PIK3C2G: variants seen among roughly 807,000 people sequenced by gnomAD.
The protein encoded by PIK3C2G is phosphatidylinositol 3-kinase C2 domain-containing subunit gamma.
In PIK3C2G, 168 loss-of-function variants were observed where a neutral mutation model predicts 181.1. The ratio of observed to expected loss-of-function variants is 0.93; its 90% confidence interval spans 0.82 to 1.05. The LOEUF (loss-of-function observed/expected upper bound fraction) is 1.05. Ranked by LOEUF, PIK3C2G falls within the 50% of genes least tolerant of loss-of-function variation. The pLI, the probability that PIK3C2G is intolerant of heterozygous loss-of-function variation, is 0.00. For missense variants in PIK3C2G, 1,869 were observed against 1,732.8 expected, an observed-to-expected ratio of 1.08 and a Z score of -1.40; for synonymous variants, 573 against 592.2, an observed-to-expected ratio of 0.97 and a Z score of 0.47.
intron 1 of PIK3C2G, among the ~76,000 whole-genome samples, chr12:18,274,106 C>A (rs1362933952): frequency 6.6e-6 from 1 of 152,114 alleles, no homozygotes; most frequent in Non-Finnish European, 1.5e-5. Context: ...CAATGAGATA[C>A]CACCTCACAC....
At chr12:18,652,313 C>A (rs952458171), downstream of PIK3C2G, among the ~76,000 whole-genome samples, 1 of 152,078 alleles carries the variant, frequency 6.6e-6, no homozygotes, top group Non-Finnish European at 1.5e-5. Flanking sequence ...GGTCACAGAT[C>A]TGCACAGAAG....
chr12:18,599,643 TATA>T (rs1215900550), intron 30 of PIK3C2G, among the ~76,000 whole-genome samples: 2 of 148,626 alleles, frequency 1.3e-5, no homozygotes, highest in South Asian at 2.1e-4. Context: ...AAACTTAAAG[TATA>T]ATAATAAATG....
At chr12:18,454,182 A>G (rs1947510191) in intron 18 of PIK3C2G, among the ~76,000 whole-genome samples, 1 of 152,182 alleles carries the variant, frequency 6.6e-6, no homozygotes, top group Non-Finnish European at 1.5e-5. Flanking sequence ...AGTAAACAAA[A>G]TAAAAATCTC....
chr12:18,384,542 G>A (rs12424877), intron 14 of PIK3C2G, among the ~76,000 whole-genome samples: 12,045 of 152,246 alleles, frequency 0.079, 918 homozygotes, highest in Admixed American at 0.24. Context: ...GAGTTTTGTG[G>A]ATATAAATTC....
intron 16 of PIK3C2G, among the ~76,000 whole-genome samples, chr12:18,400,551 C>A (rs1944190518): frequency 6.6e-6 from 1 of 152,114 alleles, no homozygotes; most frequent in Non-Finnish European, 1.5e-5. Flanking sequence ...TTGTGAAACC[C>A]CGCTCTATTC....
intron 16 of PIK3C2G, among the ~76,000 whole-genome samples, chr12:18,411,767 A>C (rs941743825): frequency 6.6e-6 from 1 of 152,140 alleles, no homozygotes; most frequent in Non-Finnish European, 1.5e-5. Flanking sequence ...TTTCCATTAC[A>C]CTTAAATTTG....
chr12:18,419,823 G>A (rs909878289), intron 16 of PIK3C2G, among the ~76,000 whole-genome samples: 2 of 152,052 alleles, frequency 1.3e-5, no homozygotes, highest in African/African-American at 4.8e-5. Flanking sequence ...CTGCCATCAA[G>A]GACAATTGAG....
At chr12:18,597,769 C>G (rs2136514688) in intron 30 of PIK3C2G, among the ~76,000 whole-genome samples, 1 of 151,970 alleles carries the variant, frequency 6.6e-6, no homozygotes, top group Non-Finnish European at 1.5e-5. Flanking sequence ...AGCCCAAAAT[C>G]TCCTTAAGCT....
intron 3 of PIK3C2G, among the ~76,000 whole-genome samples, chr12:18,289,962 C>G (rs1261183302): frequency 1.3e-5 from 2 of 152,126 alleles, no homozygotes; most frequent in African/African-American, 4.8e-5. Flanking sequence ...ATGTTATGTT[C>G]TACATGTGGG....
At chr12:18,652,364 G>T (rs1386400122), downstream of PIK3C2G, among the ~76,000 whole-genome samples, 1 of 152,054 alleles carries the variant, frequency 6.6e-6, no homozygotes, top group Non-Finnish European at 1.5e-5. Context: ...TTAGAGTGAT[G>T]CATCTACAAG....
At chr12:18,576,494 GATAGA>G (rs1428589585) in intron 29 of PIK3C2G, among the ~76,000 whole-genome samples, 18 of 152,182 alleles carry the variant, frequency 1.2e-4, no homozygotes, top group African/African-American at 4.3e-4. Context: ...TCACTATGAA[GATAGA>G]ATAGTGTAAT....
intron 13 of PIK3C2G, among the ~76,000 whole-genome samples, chr12:18,378,462 G>A (rs1024951264): frequency 1.3e-5 from 2 of 152,134 alleles, no homozygotes; most frequent in Non-Finnish European, 2.9e-5. Context: ...CATGGGCAAG[G>A]ACTTCATGTC....
At chr12:18,705,265 G>A in the PIK3C2G span, 10 of 1,613,886 alleles carry the variant, frequency 6.2e-6, no homozygotes, top group Non-Finnish European at 8.5e-6. Flanking sequence ...CTTCTTGTTG[G>A]GCAGTGGAGC....
intron 10 of PIK3C2G, among the ~76,000 whole-genome samples, chr12:18,345,145 G>A (rs1184598816): frequency 6.6e-6 from 1 of 152,138 alleles, no homozygotes; most frequent in Non-Finnish European, 1.5e-5. Flanking sequence ...TATACCAAAA[G>A]TACAATTTGG....
At chr12:18,339,357 A>G (rs2137603287) in intron 9 of PIK3C2G, among the ~76,000 whole-genome samples, 1 of 152,256 alleles carries the variant, frequency 6.6e-6, no homozygotes, top group Non-Finnish European at 1.5e-5. Flanking sequence ...ATCTCAATAG[A>G]TGCTCACAGC....
intron 13 of PIK3C2G, among the ~76,000 whole-genome samples, chr12:18,373,328 C>T (rs957969507): frequency 6.6e-6 from 1 of 152,104 alleles, no homozygotes; most frequent in Non-Finnish European, 1.5e-5. Flanking sequence ...TAGCTAGCCA[C>T]GTGGAACTAT....
intron 16 of PIK3C2G, among the ~76,000 whole-genome samples, chr12:18,410,785 G>A (rs1412258067): frequency 2.0e-5 from 3 of 152,110 alleles, no homozygotes; most frequent in East Asian, 1.9e-4. Context: ...TACATATAAT[G>A]TTTATGTTTA....
intron 8 of PIK3C2G, among the ~76,000 whole-genome samples, chr12:18,326,341 G>T (rs567223949): frequency 6.6e-6 from 1 of 152,254 alleles, no homozygotes; most frequent in South Asian, 2.1e-4. Context: ...ACAGAATATT[G>T]TGAGTCAGGG....
intron 16 of PIK3C2G, among the ~76,000 whole-genome samples, chr12:18,400,167 T>C (rs1463173385): frequency 6.6e-6 from 1 of 152,174 alleles, no homozygotes; most frequent in Non-Finnish European, 1.5e-5. Context: ...AAAATGTCTT[T>C]AAAAATTAGG....
Sources: allele counts gnomAD v4.1 joint callset (sites outside exome capture counted in the v4.1 genomes callset), GRCh38; gene constraint gnomAD v4.1.1; transcripts MANE v1.5; gene names NCBI Gene and HGNC (gene_info 2026-07-23, HGNC 2026-07-21).